The following ALB variants were observed in gnomAD, a reference collection of about 807,000 sequenced individuals.
ALB encodes albumin, also known as serum albumin.
Under a neutral mutation model 74.5 loss-of-function variants are expected in ALB, and 37 were observed. That is an observed-to-expected ratio of 0.50 (90% CI 0.38 to 0.65). ALB has a LOEUF of 0.65. Ranked by LOEUF, ALB falls within the 30% of genes least tolerant of loss-of-function variation. The pLI is 0.00. For synonymous variants in ALB, 249 were observed against 251.6 expected (o/e 0.99, Z 0.10); for missense variants, 685 against 718.7 (o/e 0.95, Z 0.54).
chr4:73,413,338 T>C (rs747097144), intron 7 of ALB, 82 bp from the exon 8 acceptor site: 17 of 1,267,424 alleles, frequency 1.3e-5, no homozygotes, highest in Non-Finnish European at 1.8e-5. Context: ...AATGAATATG[T>C]TCTGCCAACT....
In ALB at chr4:73,417,686, AT is replaced by A. The variant is rs1423867435; in HGVS notation, c.1428+18del. ...GAAGACTATGTGAGTCTTTAAAAAA[AT>A]ATAATAAATTAATAATGAAAAAATT... On this transcript the variant is annotated intron_variant, in intron 11 of 14. Transcript: ENST00000295897. The A allele has an allele frequency of 7.1e-6, 11 of 1,544,248 alleles. No individual in the cohort carries two copies. In the Admixed American group the frequency reaches 7.9e-5, roughly 11 times the overall value.
In ALB at chr4:73,412,026, C is replaced by G; in HGVS notation, c.744C>G (p.Pro248=). Reference sequence around the variant, plus strand: ...TAGCTCGCCTGAGCCAGAGATTTCCCAAAGCTGAGTTTGCAGAAGTTTCCA... The same window carrying G: ...TAGCTCGCCTGAGCCAGAGATTTCCGAAAGCTGAGTTTGCAGAAGTTTCCA... ...WAVARLSQRF[P]KAEFAEVSKL... is the part of the protein sequence containing the mutation. Residue 248 remains proline (P), a synonymous_variant, in exon 7 of 15, where the codon CCC becomes CCG. Transcript: ENST00000295897. The G allele has an allele frequency of 6.2e-7, 1 of 1,614,086 alleles. No homozygotes were observed. Among genetic ancestry groups the G allele is most frequent in the Non-Finnish European group, 8.5e-7 (1 of 1,180,014 alleles).
Position 73,413,602 on chromosome 4 carries a change from C to G in ALB, c.1026C>G (p.Asn342Lys), listed in dbSNP as rs77544362. The G allele has an allele frequency of 6.2e-7, 1 of 1,614,184 alleles. No individual in the cohort carries two copies. Among genetic ancestry groups the G allele is most frequent in the Non-Finnish European group, 8.5e-7 (1 of 1,180,024 alleles). The change falls in exon 8 of 15, where the codon AAC becomes AAG. Residue 342 changes from asparagine to lysine, a missense_variant. Transcript: ENST00000295897. Reference protein sequence around the residue: ...DFVESKDVCKNYAEAKDVFLG... With the variant: ...DFVESKDVCKKYAEAKDVFLG... The stretch of plus-strand genomic sequence containing the variant: ...TTGAAAGTAAGGATGTTTGCAAAAA[C>G]TATGCTGAGGCAAAGGATGTCTTCC...
chr4:73,408,555 G>A, intron 3 of ALB, 39 bp from the exon 4 acceptor site: 1 of 1,559,688 alleles, frequency 6.4e-7, no homozygotes, highest in Non-Finnish European at 8.8e-7. Context: ...AAGAAAAAAG[G>A]TACTGTCCAG....
intron 7 of ALB, 113 bp downstream of exon 7, chr4:73,412,238 T>G (rs1718896546): frequency 7.5e-7 from 1 of 1,331,204 alleles, no homozygotes; most frequent in Admixed American, 1.7e-5. Flanking sequence ...CTTCTGTGCT[T>G]TCGTCTGTCC....
chr4:73,418,969 C>T (rs3926327), intron 12 of ALB, among the ~76,000 whole-genome samples: 21,863 of 152,086 alleles, frequency 0.14, 1,907 homozygotes, highest in Non-Finnish European at 0.2. Flanking sequence ...CAGCAGCTCC[C>T]ATGAGTTTGG....
At chr4:73,418,334 A>T (rs1218930456) in intron 12 of ALB, 23 bp downstream of exon 12, 1 of 1,592,574 alleles carries the variant, frequency 6.3e-7, no homozygotes, top group South Asian at 1.1e-5. Flanking sequence ...TCATTACTGC[A>T]TGTGTTTGTA....
intron 8 of ALB, 104 bp downstream of exon 8, chr4:73,413,738 C>T: frequency 1.2e-5 from 13 of 1,114,510 alleles, no homozygotes; most frequent in Non-Finnish European, 1.7e-5. Flanking sequence ...CCCTGCTGCC[C>T]AGAATGTTTC....
chr4:73,406,183 T>C (rs538156704), intron 2 of ALB, among the ~76,000 whole-genome samples: 63 of 152,254 alleles, frequency 4.1e-4, no homozygotes, highest in Admixed American at 4.0e-3. Flanking sequence ...CGTTTGGACC[T>C]GAGAGGTCAA....
chr4:73,409,968 C>A (rs537483955), intron 5 of ALB, among the ~76,000 whole-genome samples: 1 of 152,124 alleles, frequency 6.6e-6, no homozygotes, highest in East Asian at 1.9e-4. Context: ...GGAGGAGAGA[C>A]TGAAATGAAT....
At chr4:73,419,157 A>C (rs1043608633) in intron 12 of ALB, 1 of 191,354 alleles carries the variant, frequency 5.2e-6, no homozygotes, top group Non-Finnish European at 1.1e-5. Flanking sequence ...ATATGACATA[A>C]TATGGCACTT....
chr4:73,416,149 C>A, intron 9 of ALB, 107 bp from the exon 10 acceptor site: 1 of 798,118 alleles, frequency 1.3e-6, no homozygotes, highest in Non-Finnish European at 2.2e-6. Context: ...ATTCATGTGG[C>A]TTTGAGTAGG....
intron 12 of ALB, chr4:73,419,279 A>T (rs1048756929): frequency 1.4e-4 from 74 of 543,968 alleles, no homozygotes; most frequent in Admixed American, 6.3e-5. Flanking sequence ...TGATTGTTTC[A>T]GTTGGTCTTC....
chr4:73,406,659 G>A lies in ALB; in HGVS notation c.168G>A (p.Gln56=). 1 of 1,613,770 alleles carries A rather than the reference G, an allele frequency of 6.2e-7. No homozygotes were observed. Among genetic ancestry groups the A allele is most frequent in the Non-Finnish European group, 8.5e-7 (1 of 1,179,896 alleles). The part of the protein sequence containing the change: ...LVLIAFAQYL[Q]QCPFEDHVKL... ...TGATTGCCTTTGCTCAGTATCTTCAGCAGTGTCCATTTGAAGATCATGTAA... is the reference window on the plus strand; with the variant it reads ...TGATTGCCTTTGCTCAGTATCTTCAACAGTGTCCATTTGAAGATCATGTAA... Residue 56 remains glutamine (Q), a synonymous_variant, in exon 3 of 15, where the codon CAG becomes CAA. Coordinates refer to ENST00000295897, the MANE Select transcript of ALB (RefSeq NM_000477.7).
At chr4:73,410,187 C>A in intron 5 of ALB, 125 bp from the exon 6 acceptor site, 1 of 737,328 alleles carries the variant, frequency 1.4e-6, no homozygotes. Flanking sequence ...AAAGGGAGTA[C>A]TTGGGAATTT....
At chr4:73,407,143 G>A (rs1234557360) in intron 3 of ALB, among the ~76,000 whole-genome samples, 2 of 151,930 alleles carry the variant, frequency 1.3e-5, no homozygotes, top group African/African-American at 4.8e-5. Flanking sequence ...CTTAACATGA[G>A]ATCTACCCTG....
At chr4:73,411,955 T>C in intron 6 of ALB, 41 bp from the exon 7 acceptor site, 1 of 1,612,864 alleles carries the variant, frequency 6.2e-7, no homozygotes, top group Non-Finnish European at 8.5e-7. Context: ...ATATAAAATA[T>C]CGCATGATAA....
rs972588841 is a variant in ALB at position 73,415,354 on chromosome 4, A to G, written c.1191+187A>G. The G allele has an allele frequency of 1.1e-4, 75 of 691,442 alleles. 1 individual carries two copies. The highest frequency in any genetic ancestry group is 1.1e-4 in the Non-Finnish European group (48 of 421,252). The allele number at this position is 691,442 out of a possible 1,614,324, so 42.8% of individuals were successfully genotyped here. Reference sequence around the variant, plus strand: ...TAGAATGATTAACAAAATTTAGACTAGTTAGAATAGAAAGATCTGAATAGA... The same window carrying G: ...TAGAATGATTAACAAAATTTAGACTGGTTAGAATAGAAAGATCTGAATAGA... On this transcript the variant is annotated intron_variant, in intron 9 of 14. Transcript: ENST00000295897.
chr4:73,418,135 A>G lies in ALB; in HGVS notation c.1476A>G (p.Pro492=). The part of the protein sequence containing the change: ...NQLCVLHEKT[P]VSDRVTKCCT... ...TATGTGTGTTGCATGAGAAAACGCC[A>G]GTAAGTGACAGAGTCACCAAATGCT... The change falls in exon 12 of 15, where the codon CCA becomes CCG. Residue 492 remains proline (P), a synonymous_variant. Transcript: ENST00000295897. The G allele has an allele frequency of 6.2e-7, 1 of 1,614,204 alleles. No homozygotes were observed. Among genetic ancestry groups the G allele is most frequent in the Non-Finnish European group, 8.5e-7 (1 of 1,180,028 alleles).
Sources: gnomAD v4.1 joint callset for allele counts (sites outside exome capture counted in the v4.1 genomes callset) on GRCh38, gnomAD v4.1.1 for gene constraint, MANE v1.5 for transcripts, NCBI Gene and HGNC (gene_info 2026-07-23, HGNC 2026-07-21) for gene names.